Variants in DCUN1D3 observed in about 807,000 individuals in gnomAD.
DCUN1D3 encodes defective in cullin neddylation 1 domain containing 3.
Under a neutral mutation model 24.8 loss-of-function variants are expected in DCUN1D3, and 6 were observed. The ratio of observed to expected loss-of-function variants is 0.24; its 90% CI spans 0.13 to 0.48. The LOEUF is 0.48. DCUN1D3 is among the 20% of genes least tolerant of loss of function. DCUN1D3 has a pLI of 0.99. For synonymous variants in DCUN1D3, 120 were observed against 144.9 expected (o/e 0.83, Z 1.24); for missense variants, 258 against 379.4 (o/e 0.68, Z 2.66).
intron 1 of DCUN1D3, among the ~76,000 whole-genome samples, chr16:20,875,222 A>G (rs1308945934): frequency 8.7e-5 from 11 of 126,810 alleles, no homozygotes; most frequent in African/African-American, 3.4e-4. Flanking sequence ...ACACACACAC[A>G]CACACACACA....
intron 1 of DCUN1D3, among the ~76,000 whole-genome samples, chr16:20,886,195 A>AT (rs1415151038): frequency 6.6e-6 from 1 of 151,832 alleles, no homozygotes; most frequent in Admixed American, 6.6e-5. Context: ...TCAAGTCTTT[A>AT]TTTTTTTGCC....
chr16:20,859,886 C>T lies in DCUN1D3; in HGVS notation c.915G>A (p.Ter305=). Reference sequence around the variant, plus strand: ...TGCTGCTGCTCCTGGGACAGAGCCACTAAGTCTGCTCCTCGGGACACAAGC... The same window carrying T: ...TGCTGCTGCTCCTGGGACAGAGCCATTAAGTCTGCTCCTCGGGACACAAGC... ...PEGLCPEEQT[*] The change falls in exon 3 of 3, where the codon TAG becomes TAA. Residue 305 remains the stop codon, a stop_retained_variant. Coordinates refer to ENST00000324344, the MANE Select transcript of DCUN1D3 (RefSeq NM_173475.4). 6.2e-7 allele frequency: 1 copy of T among 1,603,196 alleles called. No homozygotes were observed. The highest frequency in any genetic ancestry group is 2.2e-5 in the East Asian group (1 of 44,678).
intron 1 of DCUN1D3, among the ~76,000 whole-genome samples, chr16:20,899,579 A>G (rs1210476182): frequency 6.6e-6 from 1 of 152,100 alleles, no homozygotes; most frequent in Non-Finnish European, 1.5e-5. Context: ...AGAGAATTAA[A>G]GTGGAAACCA....
chr16:20,897,397 G>A (rs548549838), intron 1 of DCUN1D3, among the ~76,000 whole-genome samples: 17 of 152,328 alleles, frequency 1.1e-4, no homozygotes, highest in Non-Finnish European at 2.1e-4. Flanking sequence ...CAAAGATGCC[G>A]ACACAGTGGA....
intron 1 of DCUN1D3, among the ~76,000 whole-genome samples, chr16:20,884,029 C>T (rs949382918): frequency 7.9e-5 from 12 of 152,096 alleles, no homozygotes; most frequent in Non-Finnish European, 1.5e-4. Flanking sequence ...GTTATTCTAC[C>T]ATGAGAAGAC....
intron 1 of DCUN1D3, chr16:20,899,740 T>C (rs1424644277): frequency 2.6e-5 from 4 of 152,332 alleles, no homozygotes; most frequent in African/African-American, 7.2e-5. Flanking sequence ...TTATCGTTTA[T>C]AGCAAAGGTG....
rs199941022 is a variant in DCUN1D3 at position 20,860,302 on chromosome 16, G to A, written c.499C>T (p.Pro167Ser). ...TGTTTGGCTTCTGTTAAGAGGCTAG[G>A]GAACCGTGCACAGATTCCGTCAATG... ...DSIDGICARFPSLLTEAKQED... is the reference protein window; with the variant it reads ...DSIDGICARFSSLLTEAKQED... Residue 167 changes from proline to serine, a missense_variant, in exon 3 of 3, where the codon CCT (proline) becomes TCT (serine). By Grantham distance (74) the Pro-to-Ser change is moderately conservative. Transcript: ENST00000324344. This position sits in a 1 kb window ranked among gnomAD's most constrained non-coding sequence, Gnocchi z 4.3. The A allele has an allele frequency of 1.9e-6, 3 of 1,614,158 alleles. No homozygotes were observed. The highest frequency in any genetic ancestry group is 2.2e-5 in the East Asian group (1 of 44,884).
intron 1 of DCUN1D3, among the ~76,000 whole-genome samples, chr16:20,879,705 T>A (rs1358524597): frequency 6.6e-6 from 1 of 152,250 alleles, no homozygotes; most frequent in Non-Finnish European, 1.5e-5. Flanking sequence ...CATAGATGGA[T>A]ACTGTCATGA....
chr16:20,894,934 T>C (rs1396346093), intron 1 of DCUN1D3, among the ~76,000 whole-genome samples: 1 of 152,142 alleles, frequency 6.6e-6, no homozygotes, highest in Non-Finnish European at 1.5e-5. Context: ...TCATTTTCAG[T>C]GCAATTGGCC....
intron 1 of DCUN1D3, among the ~76,000 whole-genome samples, chr16:20,893,113 C>T (rs1040497242): frequency 6.6e-6 from 1 of 152,088 alleles, no homozygotes; most frequent in Non-Finnish European, 1.5e-5. Flanking sequence ...GCAGAGAAGG[C>T]CTGATTCTAG....
chr16:20,876,976 A>C (rs1206989509), intron 1 of DCUN1D3, among the ~76,000 whole-genome samples: 1 of 152,156 alleles, frequency 6.6e-6, no homozygotes. Context: ...GGGAGATGAA[A>C]AGAAGTGGGT....
chr16:20,861,082 C>T (rs2081729926), intron 2 of DCUN1D3, among the ~76,000 whole-genome samples: 1 of 152,160 alleles, frequency 6.6e-6, no homozygotes, highest in Non-Finnish European at 1.5e-5. Flanking sequence ...TTCTTATTCA[C>T]AACCCCGTGC....
chr16:20,875,241 CACACACACACACACAA>C (rs1292330656), intron 1 of DCUN1D3, among the ~76,000 whole-genome samples: 1 of 139,340 alleles, frequency 7.2e-6, no homozygotes, highest in Admixed American at 7.1e-5. Context: ...CACACACACA[CACACACACACACACAA>C]ATGTTGCATC....
intron 1 of DCUN1D3, among the ~76,000 whole-genome samples, chr16:20,877,131 G>T (rs1357720667): frequency 6.6e-6 from 1 of 152,032 alleles, no homozygotes; most frequent in Non-Finnish European, 1.5e-5. Flanking sequence ...AATATTTAAG[G>T]TGATATAATA....
chr16:20,877,589 AG>A (rs2081822405), intron 1 of DCUN1D3, among the ~76,000 whole-genome samples: 1 of 152,234 alleles, frequency 6.6e-6, no homozygotes, highest in Admixed American at 6.5e-5. Context: ...GCTCTGTACA[AG>A]GCTTTATTGC....
At chr16:20,868,278 C>G (rs956401892) in intron 1 of DCUN1D3, among the ~76,000 whole-genome samples, 5 of 152,166 alleles carry the variant, frequency 3.3e-5, no homozygotes, top group African/African-American at 9.7e-5. Flanking sequence ...TTTGTTAATA[C>G]ATTAAGAAAG....
At chr16:20,898,701 G>A (rs2081933083) in intron 1 of DCUN1D3, among the ~76,000 whole-genome samples, 1 of 152,212 alleles carries the variant, frequency 6.6e-6, no homozygotes, top group Non-Finnish European at 1.5e-5. Flanking sequence ...ATCAAGCTCA[G>A]TTACAGAAGG....
rs539625043 is a variant in DCUN1D3, at chr16:20,860,954, G to A, written c.432-585C>T. ...CTTACAGCATGGTCTCGCATTGATCGTCTTCTCAGGGACTGTAGTATCTGC... is the reference window on the plus strand; with the variant it reads ...CTTACAGCATGGTCTCGCATTGATCATCTTCTCAGGGACTGTAGTATCTGC... On this transcript the variant is annotated intron_variant, in intron 2 of 2. Coordinates refer to ENST00000324344, the MANE Select transcript of DCUN1D3 (RefSeq NM_173475.4). The surrounding 1 kb of genome is among the most constrained non-coding windows in gnomAD (Gnocchi z 4.3). Among the ~76,000 whole-genome samples the A allele has an allele frequency of 2.6e-5, 4 of 152,254 alleles. No homozygotes were observed. The highest frequency in any genetic ancestry group is 4.2e-4 in the South Asian group (2 of 4,818).
intron 1 of DCUN1D3, among the ~76,000 whole-genome samples, chr16:20,871,800 G>T (rs1295941123): frequency 2.6e-5 from 4 of 152,094 alleles, no homozygotes; most frequent in Non-Finnish European, 5.9e-5. Flanking sequence ...TGTCACTATT[G>T]ATCTGGGCAT....
Sources: allele counts gnomAD v4.1 joint callset (sites outside exome capture counted in the v4.1 genomes callset), GRCh38; gene constraint gnomAD v4.1.1; non-coding constraint Gnocchi (gnomAD v3.1); transcripts MANE v1.5; gene names NCBI Gene and HGNC (gene_info 2026-07-23, HGNC 2026-07-21).